Variants in INPP5D observed in about 807,000 individuals in gnomAD.
The protein encoded by INPP5D is phosphatidylinositol 3,4,5-trisphosphate 5-phosphatase 1.
A neutral mutation model predicts 122.9 loss-of-function variants in INPP5D; 33 were observed. The observed-to-expected ratio is 0.27, with a 90% CI of 0.20 to 0.36. INPP5D has a LOEUF of 0.36. Ranked by LOEUF, INPP5D falls within the 10% of genes least tolerant of loss-of-function variation. The pLI is 1.00. For synonymous variants in INPP5D, 584 were observed against 576.2 expected (o/e 1.01, Z -0.19); for missense variants, 1,053 against 1,412.7 (o/e 0.75, Z 4.08).
intron 23 of INPP5D, among the ~76,000 whole-genome samples, chr2:233,194,751 G>A (rs112164971): frequency 5.9e-5 from 9 of 151,920 alleles, no homozygotes; most frequent in South Asian, 4.2e-4. Context: ...ACCTGTCTCC[G>A]CCTCCTGAAG....
At chr2:233,122,311 C>T (rs1693011695) in intron 3 of INPP5D, 54 bp downstream of exon 3, 3 of 1,570,438 alleles carry the variant, frequency 1.9e-6, no homozygotes, top group African/African-American at 2.8e-5. Context: ...TTGCCCTGCA[C>T]CCACCTTGAG....
intron 19 of INPP5D, among the ~76,000 whole-genome samples, chr2:233,184,138 T>C (rs1694850147): frequency 6.6e-6 from 1 of 152,150 alleles, no homozygotes; most frequent in South Asian, 2.1e-4. Flanking sequence ...GTCACACAGC[T>C]TTAGTGACAG....
rs1693681759 is a variant in INPP5D at position 233,143,977 on chromosome 2, GTAGTGA to G, written c.754-2183_754-2178del. On this transcript the variant is annotated intron_variant, in intron 6 of 26. Coordinates refer to ENST00000445964, the MANE Select transcript of INPP5D (RefSeq NM_001017915.3). ...GGTGATGGTGAGGGTGGAGATGGTG[GTAGTGA>G]TGGTGATGGTGGAGGTGGTCATGAT... Among the ~76,000 whole-genome samples, 16 of 143,336 alleles carry G rather than the reference GTAGTGA, an allele frequency of 1.1e-4. No individual in the cohort carries two copies. The South Asian group carries it at 3.0e-3, about 27-fold the overall frequency. The allele number at this position is 143,336 out of a possible 152,430, so 94.0% of individuals were successfully genotyped here.
chr2:233,094,657 A>G (rs1411808592), intron 2 of INPP5D, among the ~76,000 whole-genome samples: 1 of 152,080 alleles, frequency 6.6e-6, no homozygotes, highest in African/African-American at 2.4e-5. Context: ...ACAGGCCAGC[A>G]GATCAGCATC....
chr2:233,079,335 G>A lies in INPP5D; in HGVS notation c.135G>A (p.Leu45=), dbSNP rs1053754222. 3 of 1,590,292 alleles carry A rather than the reference G, an allele frequency of 1.9e-6. No individual in the cohort carries two copies. Among genetic ancestry groups the A allele is most frequent in the Admixed American group, 3.3e-5 (2 of 60,010 alleles). Residue 45 remains leucine, a splice_region_variant and synonymous_variant, in exon 2 of 27, where the codon CTG becomes CTA. Coordinates refer to ENST00000445964, the MANE Select transcript of INPP5D (RefSeq NM_001017915.3). ...SISRAYALCV[L]YRNCVYTYRI... is the part of the protein sequence containing the mutation. ...TAATAAAGTCTTTGATCTATTTCAG[G>A]TATCGGAATTGCGTTTACACTTACA...
rs181146056 is a variant in INPP5D, at chr2:233,102,364, C to T, written c.199-19743C>T. Among the ~76,000 whole-genome samples the T allele has an allele frequency of 7.2e-5, 11 of 152,240 alleles. No homozygotes were observed. The East Asian group carries it at 2.1e-3, about 29-fold the overall frequency. On this transcript the variant is annotated intron_variant, in intron 2 of 26. Transcript: ENST00000445964. ...TGAAGGGGTGTTTCCCCCATGGGCC[C>T]CAGTCCCCGCCTCTCCCTAGTGTCC... is the stretch of plus-strand genomic sequence containing the variant.
At chr2:233,121,886 C>T (rs13013293) in intron 2 of INPP5D, among the ~76,000 whole-genome samples, 52,516 of 151,976 alleles carry the variant, frequency 0.35, 10,456 homozygotes, top group Non-Finnish European at 0.44. Flanking sequence ...ATCTTAGGAA[C>T]GATCCTCTGT....
In INPP5D at chr2:233,177,380, T is replaced by G; in HGVS notation, c.2071+34T>G. On this transcript the variant is annotated intron_variant, in intron 18 of 26. Coordinates refer to ENST00000445964, the MANE Select transcript of INPP5D (RefSeq NM_001017915.3). The surrounding 1 kb of genome is among the most constrained non-coding windows in gnomAD (Gnocchi z 4.2). ...AAACACTGGGGAAAGCAGAACAGGA[T>G]CAGAGAATGGCACCAAGCTGGGAGG... 5.6e-6 allele frequency: 9 copies of G among 1,613,430 alleles called. No individual in the cohort carries two copies. The highest frequency in any genetic ancestry group is 7.6e-6 in the Non-Finnish European group (9 of 1,179,572).
intron 2 of INPP5D, among the ~76,000 whole-genome samples, chr2:233,117,824 G>A (rs550687806): frequency 6.6e-6 from 1 of 152,214 alleles, no homozygotes; most frequent in African/African-American, 2.4e-5. Context: ...GGGGATGTGA[G>A]TGAGGGCAGC....
At chr2:233,176,926 A>G (rs1574788826) in intron 17 of INPP5D, among the ~76,000 whole-genome samples, 1 of 152,164 alleles carries the variant, frequency 6.6e-6, no homozygotes, top group East Asian at 1.9e-4. Context: ...TGACTGCAGA[A>G]AGTGAGCAGA....
In INPP5D at chr2:233,163,849, G is replaced by A; in HGVS notation, c.1383G>A (p.Trp461Ter). The change falls in exon 12 of 27, where the codon TGG becomes TGA. Residue 461 changes from tryptophan (W) to a stop codon, truncating the protein, a stop_gained. Transcript: ENST00000445964. LOFTEE classifies it high-confidence loss of function. ...AGGACCCCCTGAGTGAGAAGGAGTG[G>A]CTGGAGATCCTCAAACACTCCCTGC... ...TQEDPLSEKE[W>*]LEILKHSLQE... 6.2e-7 allele frequency: 1 copy of A among 1,613,926 alleles called. No homozygotes were observed. Among genetic ancestry groups the A allele is most frequent in the Non-Finnish European group, 8.5e-7 (1 of 1,179,886 alleles).
intron 5 of INPP5D, among the ~76,000 whole-genome samples, chr2:233,131,339 A>G (rs905329349): frequency 4.6e-5 from 7 of 151,302 alleles, no homozygotes; most frequent in Non-Finnish European, 3.0e-5. Context: ...GGAAGAGAAA[A>G]AAAACAAAAA....
chr2:233,166,881 G>A (rs920036503), intron 13 of INPP5D, among the ~76,000 whole-genome samples: 4 of 152,100 alleles, frequency 2.6e-5, no homozygotes, highest in Non-Finnish European at 5.9e-5. Context: ...CTGCTTGGGA[G>A]GCTGAGGCAG....
At chr2:233,084,845 G>T (rs1481968665) in intron 2 of INPP5D, among the ~76,000 whole-genome samples, 3 of 152,260 alleles carry the variant, frequency 2.0e-5, no homozygotes, top group Non-Finnish European at 2.9e-5. Context: ...AGGACAATGG[G>T]CCCCAAGGGG....
rs1194754612 is a variant in INPP5D, at chr2:233,207,042, G to GATA, written c.*344_*346dup. ...GCGCCGATTTGAGGGTGGAGATATA[G>GATA]ATAATAATAATATTAATAATAATAA... On this transcript the variant is annotated 3_prime_UTR_variant, in exon 27 of 27. Coordinates refer to ENST00000445964, the MANE Select transcript of INPP5D (RefSeq NM_001017915.3). The surrounding 1 kb of genome is among the most constrained non-coding windows in gnomAD (Gnocchi z 4.6). 3.9e-6 allele frequency: 1 copy of GATA among 257,088 alleles called. No individual in the cohort carries two copies. Among genetic ancestry groups the GATA allele is most frequent in the Non-Finnish European group, 7.6e-6 (1 of 132,016 alleles). The allele number at this position is 257,088 out of a possible 1,614,324, so 15.9% of individuals were successfully genotyped here. A position where few individuals can be genotyped will look rare whatever the true frequency, so the allele number is the denominator to read the frequency against.
At chr2:233,086,370 G>A (rs1433608046) in intron 2 of INPP5D, among the ~76,000 whole-genome samples, 2 of 151,926 alleles carry the variant, frequency 1.3e-5, no homozygotes, top group Non-Finnish European at 2.9e-5. Flanking sequence ...GAAGAGATGG[G>A]ACTTCACTAT....
Position 233,130,535 on chromosome 2 carries a change from C to T in INPP5D, c.552C>T (p.Ile184=). ...SGLPEEHLKA[I]QDYLSTQLAQ... ...TTCCAGAAGAGCATCTTAAGGCCATCCAAGATTATTTAAGCACTCAGCTCG... is the reference window on the plus strand; with the variant it reads ...TTCCAGAAGAGCATCTTAAGGCCATTCAAGATTATTTAAGCACTCAGCTCG... Residue 184 remains isoleucine (I), a synonymous_variant, in exon 5 of 27, where the codon ATC becomes ATT. Transcript: ENST00000445964. 6.2e-7 allele frequency: 1 copy of T among 1,613,972 alleles called. No homozygotes were observed. Among genetic ancestry groups the T allele is most frequent in the Non-Finnish European group, 8.5e-7 (1 of 1,179,898 alleles).
At chr2:233,102,527 A>G (rs1037786000) in intron 2 of INPP5D, among the ~76,000 whole-genome samples, 9 of 152,232 alleles carry the variant, frequency 5.9e-5, no homozygotes, top group Admixed American at 5.2e-4. Flanking sequence ...CAGCAGAGCT[A>G]AGAACCGGTC....
Position 233,164,547 on chromosome 2 carries a change from C to T in INPP5D, c.1555+123C>T. The T allele has an allele frequency of 5.2e-6, 7 of 1,356,962 alleles. No individual in the cohort carries two copies. The South Asian group carries it at 1.1e-4, about 21-fold the overall frequency. 84.1% of individuals were successfully genotyped at this position (1,356,962 alleles called of 1,614,324 possible). On this transcript the variant is annotated intron_variant, in intron 13 of 26. Transcript: ENST00000445964. The surrounding 1 kb of genome is among the most constrained non-coding windows in gnomAD (Gnocchi z 4.3). ...ACAGAGAGCCTCACATCCTCAGATC[C>T]TGGCTCAGTCCTCAGCAAATAGGGG...
Sources: gnomAD v4.1 joint callset for allele counts (sites outside exome capture counted in the v4.1 genomes callset) on GRCh38, gnomAD v4.1.1 for gene constraint, Gnocchi (gnomAD v3.1) non-coding constraint, MANE v1.5 for transcripts, NCBI Gene and HGNC (gene_info 2026-07-23, HGNC 2026-07-21) for gene names.